TBC1D14: variants seen among roughly 807,000 people sequenced by gnomAD.
TBC1D14 encodes the protein TBC1 domain family member 14, also known as TBC1 domain family, member 14.
In TBC1D14, 26 loss-of-function variants were observed where a neutral mutation model predicts 79.0. The observed-to-expected ratio is 0.33, with a 90% CI of 0.24 to 0.46. TBC1D14 has a LOEUF of 0.46. Among genes scored for constraint, TBC1D14 ranks in the 20% least tolerant of loss-of-function variants. The probability of loss-of-function intolerance (pLI) is 1.00; values close to 1 mark genes in which losing one functional copy is unlikely to be tolerated. For missense variants in TBC1D14, 769 were observed against 887.6 expected (o/e 0.87, Z 1.70); for synonymous variants, 394 against 349.9 (o/e 1.13, Z -1.40).
chr4:7,010,694 C>T lies in TBC1D14; in HGVS notation c.1560C>T (p.Asn520=). 1 of 1,613,884 alleles carries T rather than the reference C, an allele frequency of 6.2e-7. No individual in the cohort carries two copies. Among genetic ancestry groups the T allele is most frequent in the Non-Finnish European group, 8.5e-7 (1 of 1,179,932 alleles). The change falls in exon 11 of 14, where the codon AAC becomes AAT. Residue 520 remains asparagine, a synonymous_variant. Transcript: ENST00000409757. ...TCATAGCAGCAGTGTTGATCTTGAA[C>T]TTAGATACTGCAGATGCCTTTATTG... The part of the protein sequence containing the change: ...MSFIAAVLIL[N]LDTADAFIAF...
At chr4:6,934,457 G>A (rs1410062087) in intron 2 of TBC1D14, among the ~76,000 whole-genome samples, 4 of 152,000 alleles carry the variant, frequency 2.6e-5, no homozygotes, top group Non-Finnish European at 5.9e-5. Flanking sequence ...TCAGGAGTTC[G>A]AGACCAGCCT....
intron 2 of TBC1D14, among the ~76,000 whole-genome samples, chr4:6,935,509 C>G (rs781177783): frequency 3.3e-5 from 5 of 152,038 alleles, no homozygotes; most frequent in African/African-American, 7.2e-5. Flanking sequence ...CAGGCACTCT[C>G]GTGCGTGCTC....
intron 3 of TBC1D14, among the ~76,000 whole-genome samples, chr4:6,977,580 C>T (rs1296924309): frequency 1.3e-5 from 2 of 150,212 alleles, no homozygotes; most frequent in African/African-American, 2.4e-5. Flanking sequence ...GCCTGGCCGC[C>T]CATCGTCTGG....
At chr4:6,954,460 T>C in intron 2 of TBC1D14, 12 of 705,818 alleles carry the variant, frequency 1.7e-5, no homozygotes, top group South Asian at 1.7e-4. Flanking sequence ...CTGAGGTGTT[T>C]CTGTGGGTCT....
intron 3 of TBC1D14, among the ~76,000 whole-genome samples, chr4:6,968,706 T>TGACCGCCGGGAGGAGGCTGACC (rs1715935229): frequency 6.8e-6 from 1 of 148,130 alleles, no homozygotes; most frequent in African/African-American, 2.6e-5. Flanking sequence ...GGAGGCTGAC[T>TGACCGCCGGGAGGAGGCTGACC]GCCGGGAGGA....
At position 7,006,611 on chromosome 4, in the gene TBC1D14, A is replaced by G. The variant is rs764727064; in HGVS notation, c.1352-21A>G. Reference sequence around the variant, plus strand: ...ATTCGTGCCCTTGAGGAATGTAATTATTTTTGGCATCTTTTGACAGATGCT... The same window carrying G: ...ATTCGTGCCCTTGAGGAATGTAATTGTTTTTGGCATCTTTTGACAGATGCT... On this transcript the variant is annotated intron_variant, in intron 8 of 13. Coordinates refer to ENST00000409757, the MANE Select transcript of TBC1D14 (RefSeq NM_020773.3). 4 of 1,607,944 alleles carry G rather than the reference A, an allele frequency of 2.5e-6. No homozygotes were observed. The East Asian group carries it at 8.9e-5, about 36-fold the overall frequency.
chr4:6,929,722 G>A (rs1238864093), intron 2 of TBC1D14, among the ~76,000 whole-genome samples: 1 of 152,212 alleles, frequency 6.6e-6, no homozygotes, highest in Non-Finnish European at 1.5e-5. Context: ...GACTGCATAA[G>A]ATGAAAGTCT....
intron 2 of TBC1D14, among the ~76,000 whole-genome samples, chr4:6,935,068 G>A (rs956977629): frequency 1.3e-5 from 2 of 152,212 alleles, no homozygotes; most frequent in African/African-American, 2.4e-5. Context: ...CTGGTCCACT[G>A]CAGTGATCGC....
At chr4:7,010,603 G>T in intron 10 of TBC1D14, 50 bp from the exon 11 acceptor site, 1 of 1,593,556 alleles carries the variant, frequency 6.3e-7, no homozygotes, top group Non-Finnish European at 8.5e-7. Flanking sequence ...ACACACTACG[G>T]TGACCCTGTG....
At chr4:6,928,649 A>G (rs995870681) in intron 2 of TBC1D14, among the ~76,000 whole-genome samples, 5 of 152,218 alleles carry the variant, frequency 3.3e-5, no homozygotes, top group Non-Finnish European at 7.3e-5. Context: ...CCTGGCCAAC[A>G]TGGTGAAACC....
chr4:6,987,662 T>G, intron 3 of TBC1D14: 1 of 336,534 alleles, frequency 3.0e-6, no homozygotes, highest in Non-Finnish European at 5.4e-6. Context: ...TGAGTCCTCC[T>G]TACCCTGTTT....
intron 7 of TBC1D14, 24 bp from the exon 8 acceptor site, chr4:7,004,817 ATAC>A: frequency 6.2e-7 from 1 of 1,612,840 alleles, no homozygotes; most frequent in Non-Finnish European, 8.5e-7. Flanking sequence ...TGTGCACGTA[ATAC>A]TTACCCAGAG....
At chr4:6,920,083 T>A (rs1030570010) in intron 1 of TBC1D14, among the ~76,000 whole-genome samples, 1 of 151,556 alleles carries the variant, frequency 6.6e-6, no homozygotes, top group Non-Finnish European at 1.5e-5. Context: ...CCTGGCTAAT[T>A]TTTACTTTTG....
intron 2 of TBC1D14, among the ~76,000 whole-genome samples, chr4:6,955,922 C>G (rs145795934): frequency 6.6e-6 from 1 of 152,254 alleles, no homozygotes; most frequent in East Asian, 1.9e-4. Flanking sequence ...GGCCCATCTC[C>G]CCAGCCTCCT....
At chr4:6,980,066 T>A (rs543856060) in intron 3 of TBC1D14, among the ~76,000 whole-genome samples, 1 of 152,184 alleles carries the variant, frequency 6.6e-6, no homozygotes, top group Admixed American at 6.5e-5. Flanking sequence ...ATTCACAATT[T>A]ATAGAACACA....
chr4:6,944,775 C>T (rs1013788079), intron 2 of TBC1D14, among the ~76,000 whole-genome samples: 2 of 152,246 alleles, frequency 1.3e-5, no homozygotes, highest in African/African-American at 4.8e-5. Context: ...TTCCACGGGA[C>T]TGGCTGGACA....
Position 7,030,705 on chromosome 4 carries a change from A to C in TBC1D14, c.*313A>C. ...TTCAGCAAAAGCTAATTAAATTGTA[A>C]TGTTTCTATGTCAACTACTGGGAAG... On this transcript the variant is annotated 3_prime_UTR_variant, in exon 14 of 14. Transcript: ENST00000409757. The C allele has an allele frequency of 3.9e-6, 1 of 257,606 alleles. No homozygotes were observed. Among genetic ancestry groups the C allele is most frequent in the Non-Finnish European group, 7.9e-6 (1 of 127,060 alleles). The allele number at this position is 257,606 out of a possible 1,614,324, so 16.0% of individuals were successfully genotyped here.
At chr4:6,924,682 G>A (rs529744594) in intron 2 of TBC1D14, among the ~76,000 whole-genome samples, 9 of 152,288 alleles carry the variant, frequency 5.9e-5, no homozygotes, top group Admixed American at 2.0e-4. Context: ...CATGCACTCC[G>A]TCCCCATGGG....
chr4:6,914,571 C>T (rs776951830), intron 1 of TBC1D14, among the ~76,000 whole-genome samples: 4 of 152,174 alleles, frequency 2.6e-5, no homozygotes, highest in Non-Finnish European at 5.9e-5. Context: ...CCCTTTAGAC[C>T]GCAGTCTTCT....
Sources: gnomAD v4.1 joint callset for allele counts (sites outside exome capture counted in the v4.1 genomes callset) on GRCh38, gnomAD v4.1.1 for gene constraint, MANE v1.5 for transcripts, NCBI Gene and HGNC (gene_info 2026-07-23, HGNC 2026-07-21) for gene names.